Variants in FAM117B observed in about 807,000 individuals in gnomAD.
The protein encoded by FAM117B is family with sequence similarity 117 member B, also known as protein FAM117B.
FAM117B carries 22 observed loss-of-function variants against 52.8 expected under a neutral mutation model. That is an observed-to-expected ratio of 0.42 (90% CI 0.30 to 0.59). The LOEUF (loss-of-function observed/expected upper bound fraction) is 0.59, where lower values mean the gene tolerates loss of function less well. Among genes scored for constraint, FAM117B ranks in the 20% least tolerant of loss-of-function variants. FAM117B has a pLI of 0.22. For synonymous variants in FAM117B, 309 were observed against 324.1 expected, an observed-to-expected ratio of 0.95 and a Z score of 0.50; for missense variants, 678 against 802.6, an observed-to-expected ratio of 0.84 and a Z score of 1.88.
In FAM117B at chr2:202,659,604, CTTTTTT is replaced by C. The variant is rs71030981; in HGVS notation, c.601+23841_601+23846del. ...GAGATTACAGACGTGAGCCACCGTG[CTTTTTT>C]TTTTTTTTTTTTTTTTTTTTTTTTG... On this transcript the variant is annotated intron_variant, in intron 1 of 7. Transcript: ENST00000392238. Among the ~76,000 whole-genome samples the C allele has an allele frequency of 2.4e-3, 149 of 62,274 alleles. 3 individuals carry two copies. The highest frequency in any genetic ancestry group is 0.012 in the Middle Eastern group (1 of 82). 40.9% of individuals were successfully genotyped at this position (62,274 alleles called of 152,430 possible).
intron 4 of FAM117B, among the ~76,000 whole-genome samples, chr2:202,740,833 A>G (rs1456595097): frequency 6.6e-6 from 1 of 152,196 alleles, no homozygotes; most frequent in Admixed American, 6.5e-5. Context: ...TCTAGTTACA[A>G]AAAGAATCAT....
Position 202,635,742 on chromosome 2 carries a change from A to T in FAM117B, c.555A>T (p.Arg185=). The change falls in exon 1 of 8, where the codon CGA becomes CGT. Residue 185 remains arginine, a synonymous_variant. Transcript: ENST00000392238. ...RHRRRSPEQS[R]SSPEKRSPSA... ...GGAGGAGGTCTCCGGAGCAGAGCCG[A>T]AGCTCGCCGGAGAAGAGGAGCCCCA... is the stretch of plus-strand genomic sequence containing the variant. 1 of 1,457,188 alleles carries T rather than the reference A, an allele frequency of 6.9e-7. No homozygotes were observed. The highest frequency in any genetic ancestry group is 9.0e-7 in the Non-Finnish European group (1 of 1,107,664). 90.3% of individuals were successfully genotyped at this position (1,457,188 alleles called of 1,614,324 possible).
intron 4 of FAM117B, among the ~76,000 whole-genome samples, chr2:202,751,867 A>G (rs796135347): frequency 1.3e-4 from 20 of 151,920 alleles, no homozygotes; most frequent in African/African-American, 4.6e-4. Flanking sequence ...TATAAGTTGA[A>G]TTTTTAAAAA....
chr2:202,635,238 T>C lies in FAM117B; in HGVS notation c.51T>C (p.Leu17=). Residue 17 remains leucine, a synonymous_variant, in exon 1 of 8, where the codon CTT becomes CTC. Transcript: ENST00000392238. The part of the protein sequence containing the change: ...RNGSPTPAGS[L]GGGAVATAGG... ...GGTCCCCCACGCCGGCCGGCTCCCT[T>C]GGGGGTGGTGCGGTGGCCACGGCCG... 7.5e-7 allele frequency: 1 copy of C among 1,332,018 alleles called. No homozygotes were observed. Among genetic ancestry groups the C allele is most frequent in the South Asian group, 1.9e-5 (1 of 52,680 alleles). The allele number at this position is 1,332,018 out of a possible 1,614,324, so 82.5% of individuals were successfully genotyped here.
chr2:202,759,493 G>C lies in FAM117B; in HGVS notation c.1451+140G>C, dbSNP rs1160654060. The C allele has an allele frequency of 4.5e-6, 5 of 1,104,350 alleles. No homozygotes were observed. The South Asian group carries it at 9.5e-5, about 21-fold the overall frequency. The allele number at this position is 1,104,350 out of a possible 1,614,324, so 68.4% of individuals were successfully genotyped here. On this transcript the variant is annotated intron_variant, in intron 7 of 7. Coordinates refer to ENST00000392238, the MANE Select transcript of FAM117B (RefSeq NM_173511.4). The stretch of plus-strand genomic sequence containing the variant: ...TGCAACCTCTACCTCCTTAGCTCAA[G>C]TTATCTTCCCACCTCAACCTCCCAA...
At chr2:202,670,308 T>G (rs1184500741) in intron 1 of FAM117B, among the ~76,000 whole-genome samples, 9 of 150,838 alleles carry the variant, frequency 6.0e-5, no homozygotes, top group African/African-American at 2.2e-4. Flanking sequence ...TCTTTTTTTT[T>G]GAGATGGAGT....
chr2:202,683,774 TAGAAG>T (rs1213260249), intron 1 of FAM117B, among the ~76,000 whole-genome samples: 1 of 152,014 alleles, frequency 6.6e-6, no homozygotes, highest in Non-Finnish European at 1.5e-5. Context: ...TTTAAGAAAA[TAGAAG>T]AGATAATACC....
In FAM117B at chr2:202,695,992, A is replaced by G; in HGVS notation, c.713A>G (p.His238Arg). ...GCTGGACACTGGCCTCGGGATAGCC[A>G]TGGGCAAGCTGCACCTTGCATGAGG... ...YLAGHWPRDS[H>R]GQAAPCMRDK... Residue 238 changes from histidine (H) to arginine (R), a missense_variant, in exon 2 of 8, where the codon CAT (histidine) becomes CGT (arginine). Around this residue, in one of 3 missense-constraint regions of FAM117B, gnomAD observed 583 missense variants for 644.8 expected, o/e 0.90. Transcript: ENST00000392238. 6.2e-7 allele frequency: 1 copy of G among 1,614,180 alleles called. No homozygotes were observed. Among genetic ancestry groups the G allele is most frequent in the South Asian group, 1.1e-5 (1 of 91,086 alleles).
At chr2:202,704,990 G>A (rs1013964572) in intron 2 of FAM117B, among the ~76,000 whole-genome samples, 29 of 151,990 alleles carry the variant, frequency 1.9e-4, no homozygotes, top group Non-Finnish European at 4.1e-4. Flanking sequence ...GGAAAATACA[G>A]AGAAAGAGAA....
intron 1 of FAM117B, among the ~76,000 whole-genome samples, chr2:202,666,230 T>TA (rs1690203364): frequency 6.6e-6 from 1 of 151,862 alleles, no homozygotes; most frequent in South Asian, 2.1e-4. Context: ...AACTTTACAT[T>TA]AAAAACAATT....
chr2:202,715,176 C>T (rs1190689781), intron 2 of FAM117B, among the ~76,000 whole-genome samples: 5 of 150,066 alleles, frequency 3.3e-5, no homozygotes, highest in African/African-American at 1.2e-4. Context: ...CCCCCACCTC[C>T]CTCCCGGACG....
intron 5 of FAM117B, among the ~76,000 whole-genome samples, chr2:202,757,011 C>T (rs71425959): frequency 4.6e-5 from 7 of 152,058 alleles, no homozygotes; most frequent in African/African-American, 7.3e-5. Context: ...CTTGGGAATA[C>T]AAAGTCTTCA....
At chr2:202,760,159 T>C (rs1691863861) in intron 7 of FAM117B, among the ~76,000 whole-genome samples, 1 of 152,260 alleles carries the variant, frequency 6.6e-6, no homozygotes, top group Admixed American at 6.5e-5. Flanking sequence ...AAGTTGACAG[T>C]AATGCTTAAT....
Position 202,764,237 on chromosome 2 carries a change from A to G in FAM117B, c.1452-1209A>G, listed in dbSNP as rs954605292. 4.6e-5 allele frequency among the ~76,000 whole-genome samples: 7 copies of G among 152,160 alleles called. No individual in the cohort carries two copies. The East Asian group carries it at 1.4e-3, about 29-fold the overall frequency. ...ACTTTGTATCCTCAGAATTTAGTGA[A>G]CACTTGCATTTTTATTGAACTGATT... On this transcript the variant is annotated intron_variant, in intron 7 of 7. Transcript: ENST00000392238.
At position 202,671,859 on chromosome 2, in the gene FAM117B, A is replaced by G. The variant is rs531618225; in HGVS notation, c.602-24022A>G. Reference sequence around the variant, plus strand: ...ACTTAGCAATGGTTTATCATGTTCAATATAGGTTGGGTGGCTCTCTGGCAG... The same window carrying G: ...ACTTAGCAATGGTTTATCATGTTCAGTATAGGTTGGGTGGCTCTCTGGCAG... On this transcript the variant is annotated intron_variant, in intron 1 of 7. Transcript: ENST00000392238. 1.1e-4 allele frequency among the ~76,000 whole-genome samples: 16 copies of G among 152,248 alleles called. No homozygotes were observed. The South Asian group carries it at 2.7e-3, about 26-fold the overall frequency.
Position 202,768,732 on chromosome 2 carries a change from T to G in FAM117B, c.*2968T>G, listed in dbSNP as rs1692024710. ...TAATTATTGTTATTCTGTAGAAAAC[T>G]GTACAGAAGGTAAATAGAATAGCTT... On this transcript the variant is annotated 3_prime_UTR_variant, in exon 8 of 8. Transcript: ENST00000392238. The G allele has an allele frequency of 6.6e-6, 1 of 152,584 alleles. No homozygotes were observed. Among genetic ancestry groups the G allele is most frequent in the Non-Finnish European group, 1.5e-5 (1 of 68,018 alleles). 9.5% of individuals were successfully genotyped at this position (152,584 alleles called of 1,614,324 possible).
At chr2:202,688,771 A>C (rs1690580799) in intron 1 of FAM117B, among the ~76,000 whole-genome samples, 1 of 152,182 alleles carries the variant, frequency 6.6e-6, no homozygotes, top group Non-Finnish European at 1.5e-5. Flanking sequence ...GGTTTTTGCA[A>C]AATTTTTTCA....
At chr2:202,636,203 A>G (rs566467346) in intron 1 of FAM117B, among the ~76,000 whole-genome samples, 18 of 152,370 alleles carry the variant, frequency 1.2e-4, no homozygotes, top group African/African-American at 3.8e-4. Flanking sequence ...GGCATAGCCC[A>G]TATCTGCTGC....
At chr2:202,748,069 C>G (rs1691661227) in intron 4 of FAM117B, among the ~76,000 whole-genome samples, 1 of 151,988 alleles carries the variant, frequency 6.6e-6, no homozygotes, top group African/African-American at 2.4e-5. Flanking sequence ...ATATATTACA[C>G]AAAGCTATAG....
Sources: gnomAD v4.1 joint callset for allele counts (sites outside exome capture counted in the v4.1 genomes callset) on GRCh38, gnomAD v4.1.1 for gene constraint, gnomAD v4.1.1 regional missense constraint, MANE v1.5 for transcripts, NCBI Gene and HGNC (gene_info 2026-07-23, HGNC 2026-07-21) for gene names.